Variants in NR3C2 observed in about 807,000 individuals in gnomAD.
NR3C2 encodes nuclear receptor subfamily 3 group C member 2, also known as mineralocorticoid receptor.
In NR3C2, 15 loss-of-function variants were observed where a neutral mutation model predicts 86.4. The ratio of observed to expected loss-of-function variants is 0.17; its 90% CI spans 0.12 to 0.27. The LOEUF (loss-of-function observed/expected upper bound fraction) is 0.27. NR3C2 is among the 10% of genes least tolerant of loss of function. The probability of loss-of-function intolerance (pLI) is 1.00; values close to 1 mark genes in which losing one functional copy is unlikely to be tolerated. For missense variants in NR3C2, 960 were observed against 1,195.6 expected, an observed-to-expected ratio of 0.80 and a Z score of 2.91; for synonymous variants, 458 against 450.5, an observed-to-expected ratio of 1.02 and a Z score of -0.21.
At chr4:148,082,963 A>G (rs529070957) in intron 8 of NR3C2, among the ~76,000 whole-genome samples, 1 of 152,060 alleles carries the variant, frequency 6.6e-6, no homozygotes. Flanking sequence ...GCCACCGGGA[A>G]GTTCCAAGTG....
chr4:148,085,119 G>A (rs1171587515), intron 8 of NR3C2, among the ~76,000 whole-genome samples: 1 of 152,084 alleles, frequency 6.6e-6, no homozygotes, highest in Non-Finnish European at 1.5e-5. Context: ...AAGATATTCA[G>A]GACTTGAACT....
chr4:148,210,053 T>C (rs1385885080), intron 3 of NR3C2, among the ~76,000 whole-genome samples: 3 of 152,028 alleles, frequency 2.0e-5, no homozygotes, highest in Non-Finnish European at 4.4e-5. Flanking sequence ...TTCCCTTCCA[T>C]TCCCTCCTCT....
intron 4 of NR3C2, among the ~76,000 whole-genome samples, chr4:148,164,437 T>C (rs61757911): frequency 6.6e-6 from 1 of 152,236 alleles, no homozygotes; most frequent in Non-Finnish European, 1.5e-5. Flanking sequence ...CAAATTTACA[T>C]TCTTTAGAAA....
At chr4:148,334,488 G>T (rs2149972812) in intron 2 of NR3C2, among the ~76,000 whole-genome samples, 1 of 152,302 alleles carries the variant, frequency 6.6e-6, no homozygotes, top group East Asian at 1.9e-4. Flanking sequence ...GTTGCAGTGA[G>T]CGGAGATCGC....
intron 2 of NR3C2, among the ~76,000 whole-genome samples, chr4:148,288,567 A>G (rs1741645202): frequency 6.6e-6 from 1 of 152,244 alleles, no homozygotes; most frequent in African/African-American, 2.4e-5. Flanking sequence ...GCTGGGCGCC[A>G]GCCAATTGCT....
rs148054835 is a variant in NR3C2 at position 148,237,571 on chromosome 4, T to C, written c.1897+22407A>G. ...TTAGTAAAGAGATTATGATGAAATA[T>C]GGCACAATTTTATGAACTTATTAGT... On this transcript the variant is annotated intron_variant, in intron 3 of 8. Coordinates refer to ENST00000358102, the MANE Select transcript of NR3C2 (RefSeq NM_000901.5). Among the ~76,000 whole-genome samples the C allele has an allele frequency of 3.0e-3, 454 of 151,938 alleles. 5 individuals are homozygous for C. Among genetic ancestry groups the C allele is most frequent in the African/African-American group, 0.01 (419 of 41,492 alleles).
At chr4:148,263,047 C>A (rs1449304533) in intron 2 of NR3C2, among the ~76,000 whole-genome samples, 2 of 152,164 alleles carry the variant, frequency 1.3e-5, no homozygotes, top group Non-Finnish European at 2.9e-5. Context: ...TCTCCACTCC[C>A]TGACAGCCCC....
intron 2 of NR3C2, among the ~76,000 whole-genome samples, chr4:148,357,542 A>G (rs1251344968): frequency 6.6e-6 from 1 of 152,144 alleles, no homozygotes; most frequent in Non-Finnish European, 1.5e-5. Flanking sequence ...TGCAAATATA[A>G]TGCTACACAT....
At chr4:148,097,085 G>A (rs911170124) in intron 8 of NR3C2, among the ~76,000 whole-genome samples, 1 of 152,278 alleles carries the variant, frequency 6.6e-6, no homozygotes, top group East Asian at 1.9e-4. Flanking sequence ...CTTAGATCTG[G>A]CTTTCCTCTT....
intron 3 of NR3C2, among the ~76,000 whole-genome samples, chr4:148,215,884 A>G (rs955453146): frequency 6.6e-6 from 1 of 151,082 alleles, no homozygotes; most frequent in African/African-American, 2.4e-5. Context: ...GGTTCAACCA[A>G]TTCCCCTGCC....
In NR3C2 at chr4:148,093,202, G is replaced by A. The variant is rs74563996; in HGVS notation, c.2800-11703C>T. 3.0e-3 allele frequency among the ~76,000 whole-genome samples: 457 copies of A among 152,326 alleles called. 6 individuals are homozygous for A. In the East Asian group the frequency reaches 0.045, roughly 15 times the overall value. On this transcript the variant is annotated intron_variant, in intron 8 of 8. Transcript: ENST00000358102. ...GGTCACAGGGCAACTGATGGCACTT[G>A]GCTCGCTCTGACAATGAGGCCGTGG...
intron 3 of NR3C2, among the ~76,000 whole-genome samples, chr4:148,219,738 A>G (rs1737734712): frequency 6.6e-6 from 1 of 152,236 alleles, no homozygotes; most frequent in Admixed American, 6.5e-5. Flanking sequence ...TTGCAAAGAT[A>G]TAAAACAACG....
At chr4:148,226,425 G>C (rs896094718) in intron 3 of NR3C2, among the ~76,000 whole-genome samples, 1 of 152,066 alleles carries the variant, frequency 6.6e-6, no homozygotes, top group African/African-American at 2.4e-5. Context: ...TGGGTTGTAT[G>C]CATCAGTAGT....
intron 2 of NR3C2, among the ~76,000 whole-genome samples, chr4:148,289,402 A>G (rs1056049495): frequency 6.6e-6 from 1 of 152,126 alleles, no homozygotes; most frequent in Non-Finnish European, 1.5e-5. Flanking sequence ...GAACATTTTT[A>G]AAAGTCTGGT....
intron 2 of NR3C2, among the ~76,000 whole-genome samples, chr4:148,321,836 T>A (rs1445031781): frequency 6.6e-6 from 1 of 152,386 alleles, no homozygotes; most frequent in South Asian, 2.1e-4. Flanking sequence ...TTATGCAATT[T>A]GCCAGTCTGT....
At chr4:148,433,993 TAAG>T (rs1263424007) in intron 2 of NR3C2, among the ~76,000 whole-genome samples, 7 of 152,048 alleles carry the variant, frequency 4.6e-5, no homozygotes, top group African/African-American at 7.2e-5. Context: ...GCAATGACAA[TAAG>T]AAGAATACAT....
At position 148,082,734 on chromosome 4, in the gene NR3C2, T is replaced by C. The variant is rs149175225; in HGVS notation, c.2800-1235A>G. ...AGCGAGACAGAACCGTTCACTTCCC[T>C]AGAAAGGGGGCCGAAGCCAAGGAGC... On this transcript the variant is annotated intron_variant, in intron 8 of 8. Transcript: ENST00000358102. 6.8e-3 allele frequency among the ~76,000 whole-genome samples: 998 copies of C among 146,950 alleles called. 8 individuals are homozygous for C. Among genetic ancestry groups the C allele is most frequent in the Non-Finnish European group, 0.011 (760 of 67,054 alleles).
intron 2 of NR3C2, among the ~76,000 whole-genome samples, chr4:148,326,064 G>A (rs1048853206): frequency 2.6e-5 from 4 of 152,116 alleles, no homozygotes; most frequent in Non-Finnish European, 4.4e-5. Context: ...AATGGACGCA[G>A]GTTGGGGTAA....
intron 2 of NR3C2, among the ~76,000 whole-genome samples, chr4:148,406,800 GA>G (rs1748450068): frequency 6.6e-6 from 1 of 152,120 alleles, no homozygotes; most frequent in South Asian, 2.1e-4. Flanking sequence ...TAATTATTAA[GA>G]AAAAATCTGT....
Sources: allele counts gnomAD v4.1 joint callset (sites outside exome capture counted in the v4.1 genomes callset), GRCh38; gene constraint gnomAD v4.1.1; transcripts MANE v1.5; gene names NCBI Gene and HGNC (gene_info 2026-07-23, HGNC 2026-07-21).